Variants in USP34 observed in about 807,000 individuals in gnomAD.
USP34 encodes the protein ubiquitin carboxyl-terminal hydrolase 34.
In USP34, 70 loss-of-function variants were observed where a neutral mutation model predicts 460.3. The observed-to-expected ratio is 0.15, with a 90% CI of 0.13 to 0.19. The LOEUF (loss-of-function observed/expected upper bound fraction) is 0.19, where lower values mean the gene tolerates loss of function less well. Ranked by LOEUF, USP34 falls within the 10% of genes least tolerant of loss-of-function variation. USP34 has a pLI of 1.00. For synonymous variants in USP34, 1,647 were observed against 1,405.3 expected (o/e 1.17, Z -3.85); for missense variants, 3,985 against 4,236.2 (o/e 0.94, Z 1.65).
chr2:61,218,871 G>C (rs1249269891), intron 67 of USP34, among the ~76,000 whole-genome samples: 1 of 152,092 alleles, frequency 6.6e-6, no homozygotes, highest in Non-Finnish European at 1.5e-5. Flanking sequence ...GATTACCAAT[G>C]ATGTTAATTA....
chr2:61,233,837 T>G (rs1687987313), intron 57 of USP34, among the ~76,000 whole-genome samples: 1 of 110,030 alleles, frequency 9.1e-6, no homozygotes, highest in African/African-American at 3.2e-5. Context: ...ACACCCACTC[T>G]GGGGGTAAAA....
chr2:61,337,162 T>C lies in USP34; in HGVS notation c.2744+2189A>G, dbSNP rs569578816. Among the ~76,000 whole-genome samples the C allele has an allele frequency of 6.0e-4, 91 of 152,290 alleles. 1 individual carries two copies. In the South Asian group the frequency reaches 0.017, roughly 28 times the overall value. ...ATCAGCATTCCAGGAGCCTCTACTG[T>C]GTCCCATTCCAACCACTCAGGGTAG... On this transcript the variant is annotated intron_variant, in intron 18 of 79. Coordinates refer to ENST00000398571, the MANE Select transcript of USP34 (RefSeq NM_014709.4).
chr2:61,339,208 C>T (rs996452174), intron 18 of USP34, 143 bp downstream of exon 18: 1 of 805,732 alleles, frequency 1.2e-6, no homozygotes. Flanking sequence ...CTCTAAATTT[C>T]ATATGAAAAC....
intron 8 of USP34, among the ~76,000 whole-genome samples, chr2:61,372,597 C>G (rs1366235405): frequency 2.0e-5 from 3 of 152,066 alleles, no homozygotes; most frequent in Admixed American, 2.0e-4. Context: ...TGTGGTCTCA[C>G]TTACTAAGGA....
intron 43 of USP34, among the ~76,000 whole-genome samples, chr2:61,265,025 T>C (rs570545055): frequency 6.6e-6 from 1 of 152,216 alleles, no homozygotes; most frequent in African/African-American, 2.4e-5. Context: ...TGGTAATACT[T>C]CTCTACTTGG....
intron 37 of USP34, 133 bp from the exon 38 acceptor site, chr2:61,281,375 G>A (rs1273835970): frequency 2.6e-6 from 3 of 1,154,344 alleles, no homozygotes; most frequent in Non-Finnish European, 3.6e-6. Flanking sequence ...ACTTTTGGAG[G>A]CCCAGGCAGG....
chr2:61,240,833 C>T (rs1688234831), intron 53 of USP34, among the ~76,000 whole-genome samples: 1 of 151,202 alleles, frequency 6.6e-6, no homozygotes, highest in African/African-American at 2.5e-5. Flanking sequence ...CTGAGCTTCC[C>T]AAAGTGCTGG....
chr2:61,319,095 G>T, intron 22 of USP34, 78 bp downstream of exon 22: 2 of 1,344,890 alleles, frequency 1.5e-6, no homozygotes. Flanking sequence ...AAAAAAAAAG[G>T]CATTACAGAA....
At chr2:61,301,991 A>G (rs761467012) in intron 27 of USP34, among the ~76,000 whole-genome samples, 1 of 152,194 alleles carries the variant, frequency 6.6e-6, no homozygotes, top group South Asian at 2.1e-4. Flanking sequence ...AGAAAGAAAG[A>G]AAAAAAGGAA....
In USP34 at chr2:61,236,179, C is replaced by T. The variant is rs769625487; in HGVS notation, c.6900G>A (p.Val2300=). The part of the protein sequence containing the change: ...IPSTLPDPKA[V]SLMTAKLSTS... ...TTATTACCTTTGCTGTCATTAAGGA[C>T]ACAGCTTTAGGATCTGGTAATGTAC... is the stretch of plus-strand genomic sequence containing the variant. Residue 2300 remains valine, a synonymous_variant, in exon 55 of 80, where the codon GTG becomes GTA. Transcript: ENST00000398571. 6.2e-7 allele frequency: 1 copy of T among 1,611,124 alleles called. No individual in the cohort carries two copies. The highest frequency in any genetic ancestry group is 8.5e-7 in the Non-Finnish European group (1 of 1,178,976).
intron 18 of USP34, among the ~76,000 whole-genome samples, chr2:61,335,083 CAGAA>C (rs1315331334): frequency 1.3e-5 from 2 of 151,994 alleles, no homozygotes; most frequent in African/African-American, 4.8e-5. Flanking sequence ...TTTTAAATGA[CAGAA>C]AGTACTGCTT....
rs545607400 is a variant in USP34, at chr2:61,237,525, C to G, written c.6778-1136G>C. On this transcript the variant is annotated intron_variant, in intron 53 of 79. Transcript: ENST00000398571. ...TTTGATAGTCCTTTTTATACTGTAT[C>G]TATGTATGTGTATAGCTATTTTCTG... Among the ~76,000 whole-genome samples, 20 of 94,170 alleles carry G rather than the reference C, an allele frequency of 2.1e-4. 1 individual carries two copies. The South Asian group carries it at 7.1e-3, about 33-fold the overall frequency. 61.8% of individuals were successfully genotyped at this position (94,170 alleles called of 152,430 possible). A position where few individuals can be genotyped will look rare whatever the true frequency, so the allele number is the denominator to read the frequency against.
At chr2:61,426,792 C>G (rs978533313) in intron 1 of USP34, among the ~76,000 whole-genome samples, 2 of 152,168 alleles carry the variant, frequency 1.3e-5, no homozygotes, top group Admixed American at 1.3e-4. Flanking sequence ...TGACCCAGCA[C>G]AGTCATGGTG....
chr2:61,327,401 A>G (rs182705406), intron 20 of USP34, among the ~76,000 whole-genome samples: 107 of 152,330 alleles, frequency 7.0e-4, no homozygotes, highest in Non-Finnish European at 1.3e-3. Flanking sequence ...GATAAAATTC[A>G]AGAACAGCTA....
At chr2:61,334,097 T>C (rs552937095) in intron 18 of USP34, 126 bp from the exon 19 acceptor site, 14 of 572,002 alleles carry the variant, frequency 2.4e-5, no homozygotes, top group Non-Finnish European at 3.6e-5. Context: ...TACACAAACA[T>C]TAAACTTTTT....
At chr2:61,392,605 C>T (rs920774535) in intron 5 of USP34, among the ~76,000 whole-genome samples, 8 of 151,928 alleles carry the variant, frequency 5.3e-5, no homozygotes, top group African/African-American at 1.5e-4. Context: ...GCCTGGGTGA[C>T]GGAGTGAGAC....
At chr2:61,292,376 G>A (rs967606764) in intron 33 of USP34, among the ~76,000 whole-genome samples, 5 of 152,080 alleles carry the variant, frequency 3.3e-5, no homozygotes, top group Admixed American at 6.6e-5. Context: ...TGCATCTTGG[G>A]CATTATAAAG....
intron 2 of USP34, among the ~76,000 whole-genome samples, chr2:61,410,241 G>A (rs994174793): frequency 6.6e-6 from 1 of 152,128 alleles, no homozygotes; most frequent in African/African-American, 2.4e-5. Context: ...ACAACTAGAC[G>A]GTACCATCTG....
intron 1 of USP34, among the ~76,000 whole-genome samples, chr2:61,463,892 AG>A: frequency 6.6e-6 from 1 of 152,222 alleles, no homozygotes; most frequent in South Asian, 2.1e-4. Flanking sequence ...TCCACCAAAC[AG>A]TCACATGTGA....
Sources: gnomAD v4.1 joint callset for allele counts (sites outside exome capture counted in the v4.1 genomes callset) on GRCh38, gnomAD v4.1.1 for gene constraint, MANE v1.5 for transcripts, NCBI Gene and HGNC (gene_info 2026-07-23, HGNC 2026-07-21) for gene names.